The following DSG1 variants were observed in gnomAD, a reference collection of about 807,000 sequenced individuals.
DSG1 encodes desmoglein-1.
DSG1 carries 39 observed loss-of-function variants against 97.5 expected under a neutral mutation model. The ratio of observed to expected loss-of-function variants is 0.40; its 90% CI spans 0.31 to 0.52. The LOEUF (loss-of-function observed/expected upper bound fraction) is 0.52. Among genes scored for constraint, DSG1 ranks in the 20% least tolerant of loss-of-function variants. The probability of loss-of-function intolerance (pLI) is 0.53; values close to 1 mark genes in which losing one functional copy is unlikely to be tolerated. For synonymous variants in DSG1, 475 were observed against 443.4 expected, an observed-to-expected ratio of 1.07 and a Z score of -0.90; for missense variants, 1,311 against 1,295.4, an observed-to-expected ratio of 1.01 and a Z score of -0.18.
At position 31,354,359 on chromosome 18, in the gene DSG1, T is replaced by A; in HGVS notation, c.2163T>A (p.Tyr721Ter). ...GRPSNDCLLIYDIEGVGSPAG... is the reference protein window; with the variant it reads ...GRPSNDCLLI ...CATCTAATGACTGTTTGCTCATATA[T>A]GACATCGAAGGTGTAGGTTCCCCTG... Residue 721 changes from tyrosine to a stop codon, truncating the protein, a stop_gained, in exon 15 of 15, where the codon TAT becomes TAA. Coordinates refer to ENST00000257192, the MANE Select transcript of DSG1 (RefSeq NM_001942.4). LOFTEE classifies it high-confidence loss of function. The A allele has an allele frequency of 6.2e-7, 1 of 1,614,244 alleles. No homozygotes were observed. The highest frequency in any genetic ancestry group is 8.5e-7 in the Non-Finnish European group (1 of 1,180,038).
rs533016316 is a variant in DSG1 at position 31,358,312 on chromosome 18, A to G, written c.*2966A>G. ...CTAATTTTGACACTGAATTACAGATATATCTGCTACATATTATTTACTTCT... is the reference window on the plus strand; with the variant it reads ...CTAATTTTGACACTGAATTACAGATGTATCTGCTACATATTATTTACTTCT... On this transcript the variant is annotated 3_prime_UTR_variant, in exon 15 of 15. Coordinates refer to ENST00000257192, the MANE Select transcript of DSG1 (RefSeq NM_001942.4). Among the ~76,000 whole-genome samples, 311 of 152,134 alleles carry G rather than the reference A, an allele frequency of 2.0e-3. No individual in the cohort carries two copies. The highest frequency in any genetic ancestry group is 7.0e-3 in the African/African-American group (290 of 41,574).
rs116480798 is a variant in DSG1, at chr18:31,325,127, C to T, written c.49-1454C>T. On this transcript the variant is annotated intron_variant, in intron 1 of 14. Transcript: ENST00000257192. ...TAGACTCTGAGCAACAGAAAATAAG[C>T]TTACACCAACCCACCACATTTTTAA... is the stretch of plus-strand genomic sequence containing the variant. Among the ~76,000 whole-genome samples, 776 of 152,274 alleles carry T rather than the reference C, an allele frequency of 5.1e-3. 6 individuals are homozygous for T. The highest frequency in any genetic ancestry group is 0.018 in the African/African-American group (750 of 41,562).
rs185367989 is a variant in DSG1, at chr18:31,318,181, T to C, written c.-120T>C. The C allele has an allele frequency of 5.2e-4, 467 of 901,192 alleles. 1 individual carries two copies. Among genetic ancestry groups the C allele is most frequent in the South Asian group, 2.5e-4 (19 of 76,370 alleles). 55.8% of individuals were successfully genotyped at this position (901,192 alleles called of 1,614,324 possible). A position where few individuals can be genotyped will look rare whatever the true frequency, so the allele number is the denominator to read the frequency against. On this transcript the variant is annotated 5_prime_UTR_variant, in exon 1 of 15. The change abolishes an upstream ATG in the 5' untranslated region. Coordinates refer to ENST00000257192, the MANE Select transcript of DSG1 (RefSeq NM_001942.4). Reference sequence around the variant, plus strand: ...AGGCAGAAACACCTCAAAGCCTGCATGTAAGAACATCTACTGAGAAATTAT... The same window carrying C: ...AGGCAGAAACACCTCAAAGCCTGCACGTAAGAACATCTACTGAGAAATTAT...
chr18:31,336,044 A>G lies in DSG1; in HGVS notation c.1006-310A>G, dbSNP rs139331248. 6.6e-5 allele frequency among the ~76,000 whole-genome samples: 10 copies of G among 152,110 alleles called. No homozygotes were observed. In the East Asian group the frequency reaches 1.7e-3, roughly 26 times the overall value. ...AGGTAGGATAAATTGTCTTTGCACT[A>G]AAAAATACATACATTTGACTATCTG... On this transcript the variant is annotated intron_variant, in intron 8 of 14. Transcript: ENST00000257192.
intron 14 of DSG1, 149 bp downstream of exon 14, chr18:31,346,347 A>T (rs1244056093): frequency 2.7e-6 from 2 of 735,418 alleles, no homozygotes; most frequent in Non-Finnish European, 4.9e-6. Flanking sequence ...CATGCTGTTA[A>T]TGAATTATAT....
rs147518302 is a variant in DSG1 at position 31,346,144 on chromosome 18, G to A, written c.2046G>A (p.Arg682=). The A allele has an allele frequency of 4.7e-4, 754 of 1,613,868 alleles. 1 individual carries two copies. Among genetic ancestry groups the A allele is most frequent in the South Asian group, 1.2e-3 (111 of 91,064 alleles). ...YSGTLRRNSM[R]ECREGGLNMN... is the part of the protein sequence containing the mutation. The stretch of plus-strand genomic sequence containing the variant: ...GAACATTAAGAAGAAATTCTATGAG[G>A]GAATGTAGAGAAGGAGGTCTGAATA... Residue 682 remains arginine (R), a synonymous_variant, in exon 14 of 15, where the codon AGG becomes AGA. Coordinates refer to ENST00000257192, the MANE Select transcript of DSG1 (RefSeq NM_001942.4).
chr18:31,328,053 G>C (rs917602553), intron 3 of DSG1, 136 bp from the exon 4 acceptor site: 1 of 845,660 alleles, frequency 1.2e-6, no homozygotes, highest in South Asian at 1.8e-5. Context: ...CTCTTATCTA[G>C]GAAAATAATC....
intron 6 of DSG1, among the ~76,000 whole-genome samples, chr18:31,333,195 A>G (rs1041903711): frequency 1.3e-5 from 2 of 152,012 alleles, no homozygotes; most frequent in African/African-American, 4.8e-5. Context: ...TCAAAACACA[A>G]AGCTTTGTTA....
In DSG1 at chr18:31,355,547, A is replaced by G. The variant is rs2071949574; in HGVS notation, c.*201A>G. ...CTTAGCATTCATAAACTTTTCTCTT[A>G]TATTAGGACTAAGGAACTAAAACTT... is the stretch of plus-strand genomic sequence containing the variant. On this transcript the variant is annotated 3_prime_UTR_variant, in exon 15 of 15. Transcript: ENST00000257192. The G allele has an allele frequency of 1.6e-6, 1 of 616,572 alleles. No individual in the cohort carries two copies. The highest frequency in any genetic ancestry group is 2.8e-6 in the Non-Finnish European group (1 of 353,010). 38.2% of individuals were successfully genotyped at this position (616,572 alleles called of 1,614,324 possible). A position where few individuals can be genotyped will look rare whatever the true frequency, so the allele number is the denominator to read the frequency against.
rs750462404 is a variant in DSG1, at chr18:31,331,739, G to A, written c.556G>A (p.Glu186Lys). 20 of 1,612,754 alleles carry A rather than the reference G, an allele frequency of 1.2e-5. No individual in the cohort carries two copies. The highest frequency in any genetic ancestry group is 3.3e-5 in the Admixed American group (2 of 59,928). Residue 186 changes from glutamate (E) to lysine (K), a missense_variant, in exon 6 of 15, where the codon GAA (glutamate) becomes AAA (lysine). Glu to Lys is a moderately conservative substitution (Grantham distance 56). Around this residue, in one of 3 missense-constraint regions of DSG1, gnomAD observed 259 missense variants for 304.1 expected, o/e 0.85. Transcript: ENST00000257192. Reference sequence around the variant, plus strand: ...GATACTCAATGCTACTGACGCAGATGAACCGAACAATTTGAACTCAAAAAT... The same window carrying A: ...GATACTCAATGCTACTGACGCAGATAAACCGAACAATTTGAACTCAAAAAT... ...VMILNATDAD[E>K]PNNLNSKIAF...
intron 1 of DSG1, 47 bp from the exon 2 acceptor site, chr18:31,326,534 A>C (rs748751474): frequency 1.5e-6 from 2 of 1,364,832 alleles, no homozygotes; most frequent in African/African-American, 2.9e-5. Context: ...TAAATTTTAA[A>C]GCATTTAATT....
intron 11 of DSG1, among the ~76,000 whole-genome samples, chr18:31,341,967 ACTCTCACCCAGG>A (rs2071792273): frequency 6.7e-6 from 1 of 149,492 alleles, no homozygotes; most frequent in Non-Finnish European, 1.5e-5. Flanking sequence ...ATGGAGTCTC[ACTCTCACCCAGG>A]CTGGAGTACA....
chr18:31,326,053 A>G (rs1306267029), intron 1 of DSG1, among the ~76,000 whole-genome samples: 1 of 152,028 alleles, frequency 6.6e-6, no homozygotes, highest in Admixed American at 6.6e-5. Flanking sequence ...CATAATAAAA[A>G]CATTATCTTT....
chr18:31,330,281 G>A (rs2071712345), intron 5 of DSG1, among the ~76,000 whole-genome samples: 1 of 152,080 alleles, frequency 6.6e-6, no homozygotes, highest in Non-Finnish European at 1.5e-5. Flanking sequence ...GTCCTAACAA[G>A]AAATTTTAAA....
intron 11 of DSG1, 139 bp downstream of exon 11, chr18:31,340,164 C>T: frequency 1.1e-6 from 1 of 942,264 alleles, no homozygotes; most frequent in African/African-American, 1.7e-5. Context: ...GTGTTTGGCA[C>T]TGGGTTTATA....
intron 3 of DSG1, 119 bp downstream of exon 3, chr18:31,327,124 C>A: frequency 7.8e-7 from 1 of 1,288,730 alleles, no homozygotes; most frequent in Non-Finnish European, 1.1e-6. Flanking sequence ...CAGAACAGAA[C>A]TATAGTCACC....
At chr18:31,328,457 G>A in intron 4 of DSG1, 113 bp downstream of exon 4, 1 of 1,132,268 alleles carries the variant, frequency 8.8e-7, no homozygotes, top group Non-Finnish European at 1.3e-6. Context: ...GGCATTTTTG[G>A]TTGTTTCTTA....
intron 1 of DSG1, among the ~76,000 whole-genome samples, chr18:31,319,677 G>A (rs903167333): frequency 6.6e-6 from 1 of 152,248 alleles, no homozygotes; most frequent in South Asian, 2.1e-4. Context: ...GATCCATTAA[G>A]AGCTATTATA....
At chr18:31,354,275 T>G in intron 14 of DSG1, 22 bp from the exon 15 acceptor site, 4 of 1,603,814 alleles carry the variant, frequency 2.5e-6, no homozygotes, top group Non-Finnish European at 3.4e-6. Context: ...AATTTCATTT[T>G]CTCTTTCTCC....
Sources: allele counts gnomAD v4.1 joint callset (sites outside exome capture counted in the v4.1 genomes callset), GRCh38; gene constraint gnomAD v4.1.1; regional missense constraint gnomAD v4.1.1; transcripts MANE v1.5; gene names NCBI Gene and HGNC (gene_info 2026-07-23, HGNC 2026-07-21).